Variants in SPMIP11 observed in about 807,000 individuals in gnomAD.
SPMIP11 encodes the protein long intergenic non-protein coding RNA 935.
chr12:48,736,699 G>GTT, the SPMIP11 span, among the ~76,000 whole-genome samples: 98 of 144,312 alleles, frequency 6.8e-4, no homozygotes, highest in East Asian at 2.0e-3. Flanking sequence ...TGGGTCGCAT[G>GTT]TTTTTTTTTT....
the SPMIP11 span, chr12:48,765,714 A>C: frequency 1.4e-6 from 1 of 701,452 alleles, no homozygotes; most frequent in Non-Finnish European, 2.6e-6. Context: ...GGGGGAAAGA[A>C]GGAGGTTTCC....
At chr12:48,738,196 C>A in the SPMIP11 span, among the ~76,000 whole-genome samples, 8 of 152,132 alleles carry the variant, frequency 5.3e-5, no homozygotes, top group Admixed American at 5.2e-4. Flanking sequence ...TATCTTGCAA[C>A]CTTGTGTTAT....
chr12:48,747,390 T>C, the SPMIP11 span, among the ~76,000 whole-genome samples: 1 of 152,178 alleles, frequency 6.6e-6, no homozygotes, highest in Non-Finnish European at 1.5e-5. Flanking sequence ...GGGCTTCATC[T>C]TCATAAGAGC....
At chr12:48,761,117 A>G in the SPMIP11 span, among the ~76,000 whole-genome samples, 1 of 152,152 alleles carries the variant, frequency 6.6e-6, no homozygotes, top group South Asian at 2.1e-4. Context: ...TTTAAAAAGC[A>G]TGTAGCCAGC....
chr12:48,760,172 C>CCTTTT, the SPMIP11 span, among the ~76,000 whole-genome samples: 62 of 151,968 alleles, frequency 4.1e-4, no homozygotes, highest in Admixed American at 1.0e-3. Flanking sequence ...TGATGTTTCA[C>CCTTTT]CTTTTCTTTT....
the SPMIP11 span, among the ~76,000 whole-genome samples, chr12:48,758,159 C>T: frequency 5.1e-4 from 78 of 152,066 alleles, no homozygotes; most frequent in African/African-American, 1.8e-3. Context: ...CAGAGGGAGA[C>T]CGTCTTAAAA....
chr12:48,742,649 C>T, the SPMIP11 span, among the ~76,000 whole-genome samples: 1 of 151,858 alleles, frequency 6.6e-6, no homozygotes, highest in African/African-American at 2.4e-5. Context: ...TTTGGGAGGC[C>T]GAGGCGGGTG....
chr12:48,751,963 A>C, the SPMIP11 span, among the ~76,000 whole-genome samples: 89 of 151,944 alleles, frequency 5.9e-4, no homozygotes, highest in Non-Finnish European at 1.0e-3. Flanking sequence ...GCTACTTGGG[A>C]GGCCGAGGCA....
At chr12:48,747,164 T>C in the SPMIP11 span, among the ~76,000 whole-genome samples, 1 of 151,182 alleles carries the variant, frequency 6.6e-6, no homozygotes, top group Non-Finnish European at 1.5e-5. Flanking sequence ...TTATTTTTTA[T>C]TTTTTTTTGG....
chr12:48,768,889 G>T, the SPMIP11 span: 5,170 of 1,571,546 alleles, frequency 3.3e-3, 13 homozygotes, highest in Non-Finnish European at 3.8e-3. Flanking sequence ...ACCTGTGGAA[G>T]CCCTCCGGGC....
the SPMIP11 span, among the ~76,000 whole-genome samples, chr12:48,751,794 C>T: frequency 1.3e-5 from 2 of 151,906 alleles, no homozygotes; most frequent in Middle Eastern, 3.2e-3. Flanking sequence ...AGGCCGGGTG[C>T]GGTGGCTCAC....
chr12:48,742,359 G>A, the SPMIP11 span, among the ~76,000 whole-genome samples: 32 of 132,908 alleles, frequency 2.4e-4, no homozygotes, highest in South Asian at 7.6e-4. Context: ...TCGGCTCACC[G>A]CAACCTCCAC....
the SPMIP11 span, among the ~76,000 whole-genome samples, chr12:48,754,551 C>T: frequency 1.3e-5 from 2 of 150,960 alleles, no homozygotes; most frequent in Non-Finnish European, 3.0e-5. Context: ...CCCGGGTTCA[C>T]GCCATTCTCC....
the SPMIP11 span, among the ~76,000 whole-genome samples, chr12:48,745,237 C>G: frequency 4.0e-5 from 6 of 151,444 alleles, no homozygotes; most frequent in African/African-American, 1.5e-4. Flanking sequence ...GAGATCATAC[C>G]ACTGCACTCC....
At chr12:48,767,062 T>C in the SPMIP11 span, 1 of 152,410 alleles carries the variant, frequency 6.6e-6, no homozygotes, top group Non-Finnish European at 1.5e-5. Context: ...GAAAGCCAAG[T>C]TTAAGGTTCC....
the SPMIP11 span, among the ~76,000 whole-genome samples, chr12:48,741,837 C>A: frequency 6.6e-6 from 1 of 151,942 alleles, no homozygotes; most frequent in Admixed American, 6.6e-5. Context: ...GGCAAGGTCT[C>A]GCTATGTTGT....
At chr12:48,736,040 G>A in the SPMIP11 span, 1 of 443,018 alleles carries the variant, frequency 2.3e-6, no homozygotes. Flanking sequence ...TCACTGCTAA[G>A]CCAAATAATG....
the SPMIP11 span, among the ~76,000 whole-genome samples, chr12:48,748,927 C>T: frequency 6.6e-6 from 1 of 152,224 alleles, no homozygotes; most frequent in South Asian, 2.1e-4. Context: ...AACACCACTC[C>T]AATAATTCTT....
chr12:48,732,971 C>G, the SPMIP11 span, among the ~76,000 whole-genome samples: 5 of 151,328 alleles, frequency 3.3e-5, no homozygotes, highest in Non-Finnish European at 7.4e-5. Context: ...TTGTGGTGAG[C>G]CGAGACCGTG....
Sources: gnomAD v4.1 joint callset for allele counts (sites outside exome capture counted in the v4.1 genomes callset) on GRCh38, gnomAD v4.1.1 for gene constraint, MANE v1.5 for transcripts, NCBI Gene and HGNC (gene_info 2026-07-23, HGNC 2026-07-21) for gene names.